The following NRCAM variants were observed in gnomAD, a reference collection of about 807,000 sequenced individuals.
NRCAM encodes the protein NgCAM-related cell adhesion molecule.
Under a neutral mutation model 156.5 loss-of-function variants are expected in NRCAM, and 83 were observed. That is an observed-to-expected ratio of 0.53 (90% CI 0.44 to 0.64). The LOEUF (loss-of-function observed/expected upper bound fraction) is 0.64. Ranked by LOEUF, NRCAM falls within the 30% of genes least tolerant of loss-of-function variation. The pLI is 0.00. For missense variants in NRCAM, 1,417 were observed against 1,597.3 expected (o/e 0.89, Z 1.92); for synonymous variants, 538 against 563.9 (o/e 0.95, Z 0.65).
chr7:108,288,074 A>T (rs1251678385), intron 3 of NRCAM, among the ~76,000 whole-genome samples: 1 of 152,148 alleles, frequency 6.6e-6, no homozygotes, highest in Non-Finnish European at 1.5e-5. Flanking sequence ...AGAATAAAAT[A>T]ATGTCTTTTG....
At chr7:108,415,230 T>C (rs970660) in intron 1 of NRCAM, among the ~76,000 whole-genome samples, 143,999 of 152,206 alleles carry the variant, frequency 0.95, 68,173 homozygotes, top group East Asian at 1. Context: ...TACCTTTCCT[T>C]GGCAGGCCTG....
intron 3 of NRCAM, among the ~76,000 whole-genome samples, chr7:108,252,961 T>C: frequency 6.6e-6 from 1 of 152,264 alleles, no homozygotes; most frequent in Non-Finnish European, 1.5e-5. Context: ...TGCAGGCTAC[T>C]CTGCAGAGGC....
At chr7:108,409,910 T>C (rs1366600651) in intron 1 of NRCAM, among the ~76,000 whole-genome samples, 1 of 152,202 alleles carries the variant, frequency 6.6e-6, no homozygotes, top group Non-Finnish European at 1.5e-5. Flanking sequence ...TTTTGCATAT[T>C]ATATCTTTCT....
At chr7:108,419,047 A>AC in intron 1 of NRCAM, among the ~76,000 whole-genome samples, 1 of 152,116 alleles carries the variant, frequency 6.6e-6, no homozygotes, top group Non-Finnish European at 1.5e-5. Context: ...CACACACACA[A>AC]AAAATCACCG....
At chr7:108,175,938 CTG>C (rs2060306403) in intron 27 of NRCAM, among the ~76,000 whole-genome samples, 1 of 152,074 alleles carries the variant, frequency 6.6e-6, no homozygotes, top group Admixed American at 6.5e-5. Context: ...TCTTTAATAA[CTG>C]TTTCGATTTC....
intron 1 of NRCAM, among the ~76,000 whole-genome samples, chr7:108,417,188 C>A (rs1320889913): frequency 6.6e-6 from 1 of 152,144 alleles, no homozygotes; most frequent in Non-Finnish European, 1.5e-5. Flanking sequence ...CCAACAGTAG[C>A]CTATTTTAAT....
intron 3 of NRCAM, among the ~76,000 whole-genome samples, chr7:108,299,995 T>C (rs1444888935): frequency 6.6e-6 from 1 of 152,174 alleles, no homozygotes; most frequent in African/African-American, 2.4e-5. Context: ...ACATGTGCAG[T>C]ACTTAGAACA....
At position 108,417,435 on chromosome 7, in the gene NRCAM, C is replaced by G. The variant is rs535219735; in HGVS notation, c.-331-17842G>C. Among the ~76,000 whole-genome samples, 16 of 152,270 alleles carry G rather than the reference C, an allele frequency of 1.1e-4. No homozygotes were observed. In the East Asian group the frequency reaches 3.1e-3, roughly 29 times the overall value. On this transcript the variant is annotated intron_variant, in intron 1 of 32. Coordinates refer to ENST00000379028, the MANE Select transcript of NRCAM (RefSeq NM_001037132.4). ...GGCCAAACTCATCCTTTTATAATAA[C>G]AACAATCCTACCTATAAGGGTGGAG...
At chr7:108,178,870 C>A (rs1388955991) in intron 25 of NRCAM, among the ~76,000 whole-genome samples, 1 of 152,192 alleles carries the variant, frequency 6.6e-6, no homozygotes, top group East Asian at 1.9e-4. Context: ...GTCACTCTAG[C>A]CAAAAACCAG....
At chr7:108,401,411 C>T (rs759038781) in intron 1 of NRCAM, among the ~76,000 whole-genome samples, 18 of 151,690 alleles carry the variant, frequency 1.2e-4, no homozygotes, top group Admixed American at 2.0e-4. Flanking sequence ...TGTGGTGGTG[C>T]GCACCTGTGG....
At chr7:108,152,554 A>T (rs527678526) in intron 32 of NRCAM, among the ~76,000 whole-genome samples, 75 of 152,074 alleles carry the variant, frequency 4.9e-4, no homozygotes, top group African/African-American at 1.8e-3. Context: ...TTCAAAGAAT[A>T]AGTGACATGC....
intron 32 of NRCAM, 105 bp from the exon 33 acceptor site, chr7:108,150,252 G>A: frequency 1.1e-6 from 1 of 889,558 alleles, no homozygotes; most frequent in East Asian, 2.4e-5. Flanking sequence ...GGAGTCCTGG[G>A]CTTCTCTGGC....
At chr7:108,183,383 T>C (rs527797159) in intron 22 of NRCAM, among the ~76,000 whole-genome samples, 4 of 135,332 alleles carry the variant, frequency 3.0e-5, no homozygotes, top group Non-Finnish European at 6.5e-5. Context: ...TACATATATG[T>C]ATACATGTCT....
At chr7:108,186,529 G>A (rs2153397302) in intron 20 of NRCAM, among the ~76,000 whole-genome samples, 1 of 152,044 alleles carries the variant, frequency 6.6e-6, no homozygotes, top group South Asian at 2.1e-4. Context: ...GCCTATTCCA[G>A]GCCACCCTCA....
Position 108,226,325 on chromosome 7 carries a change from G to C in NRCAM, c.604C>G (p.Leu202Val), listed in dbSNP as rs1465522269. Residue 202 changes from leucine to valine, a missense_variant, in exon 9 of 33, where the codon CTT (leucine) becomes GTT (valine). By Grantham distance (32) the Leu-to-Val change is conservative. Coordinates refer to ENST00000379028, the MANE Select transcript of NRCAM (RefSeq NM_001037132.4). The part of the protein sequence containing the change: ...ERVSQGLNGD[L>V]YFSNVLPEDT... ...TCTGGGAGGACATTGGAAAAATAAAGGTCCCCATTCAAACCTTGAGAAACT... is the reference window on the plus strand; with the variant it reads ...TCTGGGAGGACATTGGAAAAATAAACGTCCCCATTCAAACCTTGAGAAACT... 1 of 1,611,384 alleles carries C rather than the reference G, an allele frequency of 6.2e-7. No homozygotes were observed. The highest frequency in any genetic ancestry group is 1.1e-5 in the South Asian group (1 of 90,972).
chr7:108,184,108 AT>A, intron 22 of NRCAM, 132 bp downstream of exon 22: 1 of 408,354 alleles, frequency 2.4e-6, no homozygotes. Context: ...ATATATATGT[AT>A]CTTTATATAT....
Position 108,176,549 on chromosome 7 carries a change from G to A in NRCAM, c.3032C>T (p.Thr1011Ile), listed in dbSNP as rs757796988. ...LVDLKIPANK[T>I]RWTLKNLNFS... ...ATTTAAATTTTTTAAAGTCCACCGT[G>A]TCTTGTTGGCAGGAATTTTCAAATC... is the stretch of plus-strand genomic sequence containing the variant. Residue 1011 changes from threonine to isoleucine, a missense_variant, in exon 27 of 33, where the codon ACA (threonine) becomes ATA (isoleucine). By Grantham distance (89) the Thr-to-Ile change is moderately conservative (BLOSUM62 -1). This residue lies in a region of NRCAM where 1,238 missense variants were observed against 1,336.4 expected (regional missense o/e 0.93). Transcript: ENST00000379028. 2.0e-5 allele frequency: 32 copies of A among 1,613,574 alleles called. No individual in the cohort carries two copies. Among genetic ancestry groups the A allele is most frequent in the Non-Finnish European group, 2.7e-5 (32 of 1,179,800 alleles).
chr7:108,233,780 T>C (rs1376294496), intron 6 of NRCAM, among the ~76,000 whole-genome samples: 1 of 152,228 alleles, frequency 6.6e-6, no homozygotes, highest in Non-Finnish European at 1.5e-5. Flanking sequence ...CACTACTTTA[T>C]TGCTTAAAAA....
intron 3 of NRCAM, among the ~76,000 whole-genome samples, chr7:108,290,545 C>T (rs1261235539): frequency 6.6e-6 from 1 of 152,136 alleles, no homozygotes; most frequent in Admixed American, 6.5e-5. Flanking sequence ...AGAGCTGGGT[C>T]AACAGTACAG....
Sources: gnomAD v4.1 joint callset for allele counts (sites outside exome capture counted in the v4.1 genomes callset) on GRCh38, gnomAD v4.1.1 for gene constraint, gnomAD v4.1.1 regional missense constraint, MANE v1.5 for transcripts, NCBI Gene and HGNC (gene_info 2026-07-23, HGNC 2026-07-21) for gene names.